Variants in CTNNA3 observed in about 807,000 individuals in gnomAD.
CTNNA3 encodes catenin alpha-3.
A neutral mutation model predicts 95.7 loss-of-function variants in CTNNA3; 76 were observed. That is an observed-to-expected ratio of 0.79 (90% CI 0.66 to 0.96). The LOEUF (loss-of-function observed/expected upper bound fraction) is 0.96. Ranked by LOEUF, CTNNA3 falls within the 40% of genes least tolerant of loss-of-function variation. CTNNA3 has a pLI of 0.00. For synonymous variants in CTNNA3, 431 were observed against 374.4 expected (o/e 1.15, Z -1.74); for missense variants, 1,191 against 1,089.8 (o/e 1.09, Z -1.31).
At chr10:66,918,701 T>C (rs988324848) in intron 7 of CTNNA3, among the ~76,000 whole-genome samples, 27 of 152,310 alleles carry the variant, frequency 1.8e-4, no homozygotes, top group Admixed American at 8.5e-4. Flanking sequence ...AAGATCTTGA[T>C]ACGAACAAAC....
chr10:66,556,742 A>T (rs1268708877), intron 10 of CTNNA3, among the ~76,000 whole-genome samples: 1 of 152,012 alleles, frequency 6.6e-6, no homozygotes, highest in East Asian at 1.9e-4. Context: ...ATAGAGGAAC[A>T]TTGGTCAAAG....
At chr10:67,471,148 T>C (rs2133027741) in intron 5 of CTNNA3, among the ~76,000 whole-genome samples, 1 of 152,020 alleles carries the variant, frequency 6.6e-6, no homozygotes, top group East Asian at 1.9e-4. Context: ...TCTTAACAAG[T>C]AATTCTGTGT....
chr10:66,529,821 T>C (rs967361308), intron 10 of CTNNA3, among the ~76,000 whole-genome samples: 1 of 152,132 alleles, frequency 6.6e-6, no homozygotes, highest in Middle Eastern at 3.2e-3. Context: ...AAACTCTAGA[T>C]TGGAAGCCAA....
intron 14 of CTNNA3, among the ~76,000 whole-genome samples, chr10:66,077,926 T>G (rs893883700): frequency 1.1e-4 from 16 of 151,798 alleles, no homozygotes; most frequent in African/African-American, 3.9e-4. Context: ...AGTCAATCTT[T>G]AAAAGCCTGG....
intron 3 of CTNNA3, among the ~76,000 whole-genome samples, chr10:67,603,899 C>T (rs1843167785): frequency 6.6e-6 from 1 of 152,146 alleles, no homozygotes; most frequent in Admixed American, 6.5e-5. Flanking sequence ...GATTCCCTGA[C>T]TCACTGAGAG....
intron 5 of CTNNA3, among the ~76,000 whole-genome samples, chr10:67,233,939 A>G (rs1475429344): frequency 6.6e-6 from 1 of 152,198 alleles, no homozygotes; most frequent in Non-Finnish European, 1.5e-5. Flanking sequence ...CTCGACACAT[A>G]CACCCTCCCA....
intron 14 of CTNNA3, among the ~76,000 whole-genome samples, chr10:66,083,118 T>C (rs1381626264): frequency 6.6e-6 from 1 of 152,110 alleles, no homozygotes. Flanking sequence ...CATTATCCTA[T>C]GATCACAGAT....
chr10:66,710,720 T>G (rs1334868206), intron 9 of CTNNA3, among the ~76,000 whole-genome samples: 1 of 151,986 alleles, frequency 6.6e-6, no homozygotes, highest in Non-Finnish European at 1.5e-5. Context: ...ATATATATTC[T>G]AGACATATAT....
At chr10:67,451,410 G>A (rs1846977736) in intron 5 of CTNNA3, among the ~76,000 whole-genome samples, 1 of 151,782 alleles carries the variant, frequency 6.6e-6, no homozygotes, top group African/African-American at 2.4e-5. Flanking sequence ...GCAATTATGA[G>A]AAAAAGTTTT....
chr10:66,674,060 A>G (rs914700103), intron 9 of CTNNA3, among the ~76,000 whole-genome samples: 6 of 151,892 alleles, frequency 4.0e-5, no homozygotes, highest in Non-Finnish European at 7.4e-5. Flanking sequence ...TTAGCTCAAG[A>G]GAGTATCTTC....
At chr10:66,077,790 G>A (rs1387220323) in intron 14 of CTNNA3, among the ~76,000 whole-genome samples, 2 of 151,624 alleles carry the variant, frequency 1.3e-5, no homozygotes, top group African/African-American at 2.4e-5. Flanking sequence ...ATCCTAGCAC[G>A]GCCATATAGT....
chr10:66,962,144 T>C (rs1302813042), intron 7 of CTNNA3, among the ~76,000 whole-genome samples: 1 of 152,130 alleles, frequency 6.6e-6, no homozygotes. Context: ...TAGCAGTCAC[T>C]TTCCTGTTCA....
intron 7 of CTNNA3, among the ~76,000 whole-genome samples, chr10:67,127,912 A>C (rs1000956058): frequency 2.6e-5 from 4 of 152,036 alleles, no homozygotes; most frequent in Non-Finnish European, 4.4e-5. Context: ...GCACATGTAC[A>C]TGCATGTGTA....
At chr10:67,342,976 T>C (rs1842272791) in intron 5 of CTNNA3, among the ~76,000 whole-genome samples, 1 of 152,144 alleles carries the variant, frequency 6.6e-6, no homozygotes. Context: ...CTTTTGAGTC[T>C]GACTCTTGCT....
At chr10:67,631,749 TAAAGAA>T (rs1011407996) in intron 2 of CTNNA3, among the ~76,000 whole-genome samples, 2 of 151,972 alleles carry the variant, frequency 1.3e-5, no homozygotes, top group African/African-American at 4.8e-5. Context: ...GATGAATGAA[TAAAGAA>T]AATGTGGTGT....
At chr10:66,705,269 C>T (rs10430467) in intron 9 of CTNNA3, among the ~76,000 whole-genome samples, 4,919 of 152,096 alleles carry the variant, frequency 0.032, 212 homozygotes, top group East Asian at 0.22. Flanking sequence ...TTGCCCACAT[C>T]TTAAAAATAA....
intron 5 of CTNNA3, among the ~76,000 whole-genome samples, chr10:67,493,055 G>A (rs1337069283): frequency 6.6e-6 from 1 of 152,142 alleles, no homozygotes; most frequent in African/African-American, 2.4e-5. Flanking sequence ...CCTAAATCTT[G>A]AATTTTAGCT....
intron 7 of CTNNA3, among the ~76,000 whole-genome samples, chr10:67,115,697 T>C (rs1859147498): frequency 1.3e-5 from 2 of 151,586 alleles, no homozygotes; most frequent in Admixed American, 6.6e-5. Flanking sequence ...AATAAACAGA[T>C]TTACACCAAA....
At chr10:66,015,128 T>A (rs931613319) in intron 15 of CTNNA3, among the ~76,000 whole-genome samples, 13 of 149,360 alleles carry the variant, frequency 8.7e-5, no homozygotes, top group African/African-American at 3.2e-4. Context: ...AATAATAAAA[T>A]AAAATAAAAT....
Sources: allele counts gnomAD v4.1 joint callset (sites outside exome capture counted in the v4.1 genomes callset), GRCh38; gene constraint gnomAD v4.1.1; transcripts MANE v1.5; gene names NCBI Gene and HGNC (gene_info 2026-07-23, HGNC 2026-07-21).